Variants in DDN observed in about 807,000 individuals in gnomAD.
DDN encodes the protein dendrin.
Under a neutral mutation model 7.3 loss-of-function variants are expected in DDN, and 4 were observed. That is an observed-to-expected ratio of 0.55 (90% confidence interval 0.27 to 1.25). The LOEUF (loss-of-function observed/expected upper bound fraction) is 1.25, where lower values mean the gene tolerates loss of function less well. Among genes scored for constraint, DDN ranks in the 50% most tolerant of loss-of-function variants. DDN has a pLI of 0.12. For synonymous variants in DDN, 425 were observed against 424.3 expected (o/e 1.00, Z -0.02); for missense variants, 933 against 974.7 (o/e 0.96, Z 0.57).
In DDN at chr12:48,998,262, G is replaced by A. The variant is rs754043039; in HGVS notation, c.614C>T (p.Ala205Val). 2 of 1,609,254 alleles carry A rather than the reference G, an allele frequency of 1.2e-6. No homozygotes were observed. The highest frequency in any genetic ancestry group is 1.1e-5 in the South Asian group (1 of 90,882). Residue 205 changes from alanine to valine, a missense_variant, in exon 2 of 2, where the codon GCT (alanine) becomes GTT (valine). By Grantham distance (64) the Ala-to-Val change is moderately conservative. Coordinates refer to ENST00000421952, the MANE Select transcript of DDN (RefSeq NM_015086.2). ...GRRPGPPSYE[A>V]HLLLRGSAGT... is the part of the protein sequence containing the mutation. ...GGCAGAACCTCTCAGCAGCAGGTGA[G>A]CCTCGTAGCTTGGGGGCCCGGGCCG...
chr12:48,999,030 C>A (rs367852861), intron 1 of DDN, 49 bp downstream of exon 1: 383 of 1,596,004 alleles, frequency 2.4e-4, no homozygotes, highest in Non-Finnish European at 3.2e-4. Context: ...AGGTCCGGAC[C>A]CCACTCCCCG....
chr12:48,998,171 G>T lies in DDN; in HGVS notation c.705C>A (p.Gly235=), dbSNP rs1345919962. Residue 235 remains glycine (G), a synonymous_variant, in exon 2 of 2, where the codon GGC becomes GGA. Transcript: ENST00000421952. ...TCTTAGTCCCCAAGGTCCTATGGGG[G>T]CCTTCGTAAGAAGGTGGAGCCACGT... is the stretch of plus-strand genomic sequence containing the variant. The part of the protein sequence containing the change: ...PPYVAPPSYE[G]PHRTLGTKRG... The T allele has an allele frequency of 6.2e-7, 1 of 1,612,960 alleles. No individual in the cohort carries two copies. Among genetic ancestry groups the T allele is most frequent in the Non-Finnish European group, 8.5e-7 (1 of 1,179,736 alleles).
In DDN at chr12:48,997,123, C is replaced by CG. The variant is rs748370429; in HGVS notation, c.1752dup (p.Glu585ArgfsTer41). 1 of 1,526,208 alleles carries CG rather than the reference C, an allele frequency of 6.6e-7. No homozygotes were observed. Among genetic ancestry groups the CG allele is most frequent in the Non-Finnish European group, 8.7e-7 (1 of 1,143,056 alleles). 94.5% of individuals were successfully genotyped at this position (1,526,208 alleles called of 1,614,324 possible). A position where few individuals can be genotyped will look rare whatever the true frequency, so the allele number is the denominator to read the frequency against. ...TGGACCACCGCCACTTCCGACCCCT[C>CG]GGCTCTGCCCTGGGCTCCCGAAGCT... On this transcript the variant is annotated frameshift_variant, in exon 2 of 2. Coordinates refer to ENST00000421952, the MANE Select transcript of DDN (RefSeq NM_015086.2). LOFTEE classifies it high-confidence loss of function.
chr12:48,999,076 C>T lies in DDN; in HGVS notation c.209+3G>A, dbSNP rs1565728147. ...CTCTTCCCCTCACCCCTGCTTCACTCACGTGCGGTTCTGGAACCCGCGAGC... is the reference window on the plus strand; with the variant it reads ...CTCTTCCCCTCACCCCTGCTTCACTTACGTGCGGTTCTGGAACCCGCGAGC... On this transcript the variant is annotated splice_donor_region_variant and intron_variant, in intron 1 of 1. Transcript: ENST00000421952. 3 of 1,614,022 alleles carry T rather than the reference C, an allele frequency of 1.9e-6. No individual in the cohort carries two copies. The highest frequency in any genetic ancestry group is 2.5e-6 in the Non-Finnish European group (3 of 1,179,952).
Position 48,997,228 on chromosome 12 carries a change from C to G in DDN, c.1648G>C (p.Gly550Arg). Residue 550 changes from glycine to arginine, a missense_variant, in exon 2 of 2, where the codon GGG (glycine) becomes CGG (arginine). By Grantham distance (125) the Gly-to-Arg change is moderately radical. Transcript: ENST00000421952. ...TLEERTFRILGLPAPEVNLRD... is the reference protein window; with the variant it reads ...TLEERTFRILRLPAPEVNLRD... ...AGGTTTACTTCGGGGGCCGGGAGCC[C>G]CAAGATGCGGAAAGTGCGCTCCTCC... The G allele has an allele frequency of 6.3e-7, 1 of 1,591,892 alleles. No individual in the cohort carries two copies. The highest frequency in any genetic ancestry group is 8.6e-7 in the Non-Finnish European group (1 of 1,168,694).
In DDN at chr12:48,995,582, A is replaced by C. The variant is rs983215405; in HGVS notation, c.*1158T>G. 4 of 152,292 alleles carry C rather than the reference A, an allele frequency of 2.6e-5. No individual in the cohort carries two copies. The highest frequency in any genetic ancestry group is 7.2e-5 in the African/African-American group (3 of 41,452). The allele number at this position is 152,292 out of a possible 1,614,324, so 9.4% of individuals were successfully genotyped here. ...GGATTAGCAACTGGGGAGATCCGCG[A>C]CCTGCGCGCGCCCTGTAGTGGCTAT... is the stretch of plus-strand genomic sequence containing the variant. On this transcript the variant is annotated 3_prime_UTR_variant, in exon 2 of 2. Transcript: ENST00000421952.
At chr12:48,998,988 G>A in intron 1 of DDN, 91 bp downstream of exon 1, 2 of 1,399,448 alleles carry the variant, frequency 1.4e-6, no homozygotes, top group Non-Finnish European at 2.0e-6. Flanking sequence ...AAAGAGAAGG[G>A]GGACCAGCAG....
At position 48,996,857 on chromosome 12, in the gene DDN, T is replaced by TG. The variant is rs1941211656; in HGVS notation, c.2018dup (p.Ala674SerfsTer35). ...CCCCGACACTGTCGCTCAGTTCCGC[T>TG]GTCTTCCCATCTTCCTCTGGCGAAC... is the stretch of plus-strand genomic sequence containing the variant. On this transcript the variant is annotated frameshift_variant, in exon 2 of 2. Transcript: ENST00000421952. LOFTEE classifies it low-confidence loss of function (END_TRUNC). The TG allele has an allele frequency of 1.1e-5, 17 of 1,614,234 alleles. No homozygotes were observed. The highest frequency in any genetic ancestry group is 1.4e-5 in the Non-Finnish European group (17 of 1,180,030).
At chr12:48,998,787 T>C (rs1233191089) in intron 1 of DDN, 121 bp from the exon 2 acceptor site, 3 of 1,250,214 alleles carry the variant, frequency 2.4e-6, no homozygotes, top group South Asian at 1.6e-5. Context: ...TGTGAGTGTG[T>C]GCGCGTGTGC....
At chr12:48,998,980 A>G in intron 1 of DDN, 99 bp downstream of exon 1, 2 of 1,358,164 alleles carry the variant, frequency 1.5e-6, no homozygotes, top group Non-Finnish European at 2.1e-6. Flanking sequence ...GGCGTGGGAA[A>G]GAGAAGGGGG....
At position 48,998,669 on chromosome 12, in the gene DDN, G is replaced by T; in HGVS notation, c.210-3C>A. On this transcript the variant is annotated splice_region_variant and splice_polypyrimidine_tract_variant and intron_variant, in intron 1 of 1. Coordinates refer to ENST00000421952, the MANE Select transcript of DDN (RefSeq NM_015086.2). The stretch of plus-strand genomic sequence containing the variant: ...GGGATCCCGGGCGCGGCCCACACCT[G>T]GGACAATGAGCAGGAACCCAGGTGA... 1 of 1,495,024 alleles carries T rather than the reference G, an allele frequency of 6.7e-7. No homozygotes were observed. The highest frequency in any genetic ancestry group is 8.8e-7 in the Non-Finnish European group (1 of 1,132,454). 92.6% of individuals were successfully genotyped at this position (1,495,024 alleles called of 1,614,324 possible).
In DDN at chr12:48,997,086, C is replaced by T. The variant is rs1941216724; in HGVS notation, c.1790G>A (p.Gly597Asp). Reference protein sequence around the residue: ...SEVAVVQRRAGRGWARTPGPY... With the variant: ...SEVAVVQRRADRGWARTPGPY... ...CCCTGGGGTCCGCGCCCAGCCCCGG[C>T]CGGCGCGCCGCTGGACCACCGCCAC... Residue 597 changes from glycine (G) to aspartate (D), a missense_variant, in exon 2 of 2, where the codon GGC (glycine) becomes GAC (aspartate). Gly to Asp is a moderately conservative substitution (Grantham distance 94, BLOSUM62 -1). Transcript: ENST00000421952. 6.6e-7 allele frequency: 1 copy of T among 1,523,284 alleles called. No homozygotes were observed. Among genetic ancestry groups the T allele is most frequent in the Non-Finnish European group, 8.7e-7 (1 of 1,143,836 alleles). 94.4% of individuals were successfully genotyped at this position (1,523,284 alleles called of 1,614,324 possible). A position where few individuals can be genotyped will look rare whatever the true frequency, so the allele number is the denominator to read the frequency against.
rs1052580093 is a variant in DDN, at chr12:48,995,779, G to C, written c.*961C>G. On this transcript the variant is annotated 3_prime_UTR_variant, in exon 2 of 2. Coordinates refer to ENST00000421952, the MANE Select transcript of DDN (RefSeq NM_015086.2). ...CCTCAGAGCATCACTAAGGAGCATC[G>C]GGGTGGAGGAAAAGGGGAAGGCCTA... 1 of 152,462 alleles carries C rather than the reference G, an allele frequency of 6.6e-6. No individual in the cohort carries two copies. The highest frequency in any genetic ancestry group is 1.5e-5 in the Non-Finnish European group (1 of 68,152). The allele number at this position is 152,462 out of a possible 1,614,324, so 9.4% of individuals were successfully genotyped here. A position where few individuals can be genotyped will look rare whatever the true frequency, so the allele number is the denominator to read the frequency against.
rs767396293 is a variant in DDN at position 48,998,402 on chromosome 12, C to T, written c.474G>A (p.Gly158=). The change falls in exon 2 of 2, where the codon GGG becomes GGA. Residue 158 remains glycine (G), a synonymous_variant. Transcript: ENST00000421952. ...RNAPRVAQLA[G]LPAPLRPERL... ...GCTCCGGCCGCAAGGGAGCAGGGAG[C>T]CCTGCCAGCTGGGCCACCCGAGGGG... is the stretch of plus-strand genomic sequence containing the variant. 6.7e-7 allele frequency: 1 copy of T among 1,497,808 alleles called. No individual in the cohort carries two copies. The highest frequency in any genetic ancestry group is 8.8e-7 in the Non-Finnish European group (1 of 1,132,186). The allele number at this position is 1,497,808 out of a possible 1,614,324, so 92.8% of individuals were successfully genotyped here. A position where few individuals can be genotyped will look rare whatever the true frequency, so the allele number is the denominator to read the frequency against.
Position 48,999,245 on chromosome 12 carries a change from G to GATGAGGCA in DDN, c.42_43insTGCCTCAT (p.Arg15CysfsTer24). ...CCAGACTCCTCATCCTGGAGCTCCC[G>GATGAGGCA]GGGGCTGTCAGGCCCCTCGGAGAAC... On this transcript the variant is annotated frameshift_variant, in exon 1 of 2. Coordinates refer to ENST00000421952, the MANE Select transcript of DDN (RefSeq NM_015086.2). LOFTEE classifies it high-confidence loss of function. 6.4e-7 allele frequency: 1 copy of GATGAGGCA among 1,569,590 alleles called. No homozygotes were observed.
chr12:48,998,362 C>G lies in DDN; in HGVS notation c.514G>C (p.Gly172Arg), dbSNP rs1192432006. The part of the protein sequence containing the change: ...PLRPERLAPV[G>R]RAPRPSAQPQ... ...TGCGCGGATGGACGGGGCGCTCGCCCCACAGGCGCCAGGCGCTCCGGCCGC... is the reference window on the plus strand; with the variant it reads ...TGCGCGGATGGACGGGGCGCTCGCCGCACAGGCGCCAGGCGCTCCGGCCGC... Residue 172 changes from glycine (G) to arginine (R), a missense_variant, in exon 2 of 2, where the codon GGG becomes CGG. Gly to Arg is a moderately radical substitution (Grantham distance 125). Coordinates refer to ENST00000421952, the MANE Select transcript of DDN (RefSeq NM_015086.2). 6.7e-7 allele frequency: 1 copy of G among 1,502,884 alleles called. No homozygotes were observed. Among genetic ancestry groups the G allele is most frequent in the Non-Finnish European group, 8.8e-7 (1 of 1,134,000 alleles). 93.1% of individuals were successfully genotyped at this position (1,502,884 alleles called of 1,614,324 possible).
Position 48,996,727 on chromosome 12 carries a change from A to C in DDN, c.*13T>G. On this transcript the variant is annotated 3_prime_UTR_variant, in exon 2 of 2. Coordinates refer to ENST00000421952, the MANE Select transcript of DDN (RefSeq NM_015086.2). ...ATGGATGCGTTGGGGACACAAATAC[A>C]AGAAGGGGCCTCTCACTGCCTCTTC... 6.2e-7 allele frequency: 1 copy of C among 1,608,768 alleles called. No individual in the cohort carries two copies. Among genetic ancestry groups the C allele is most frequent in the South Asian group, 1.1e-5 (1 of 90,970 alleles).
Position 48,995,205 on chromosome 12 carries a change from G to A in DDN, c.*1535C>T. The A allele has an allele frequency of 6.6e-6, 1 of 152,536 alleles. No individual in the cohort carries two copies. Among genetic ancestry groups the A allele is most frequent in the Non-Finnish European group, 1.5e-5 (1 of 68,162 alleles). 9.4% of individuals were successfully genotyped at this position (152,536 alleles called of 1,614,324 possible). ...CTGTGTGCCAGGCAGTGTGCAAGGC[G>A]CTTTACATACATTATCGCATTAAAT... On this transcript the variant is annotated 3_prime_UTR_variant, in exon 2 of 2. Coordinates refer to ENST00000421952, the MANE Select transcript of DDN (RefSeq NM_015086.2).
rs1284618136 is a variant in DDN, at chr12:48,999,200, T to A, written c.88A>T (p.Lys30Ter). Residue 30 changes from lysine (K) to a stop codon, truncating the protein, a stop_gained, in exon 1 of 2, where the codon AAG becomes TAG. Transcript: ENST00000421952. LOFTEE classifies it high-confidence loss of function. Reference sequence around the variant, plus strand: ...ACTTCTATCACCAATAGCTTGGACTTCTGCACCCAGAGGCAGCTGCCAGAC... The same window carrying A: ...ACTTCTATCACCAATAGCTTGGACTACTGCACCCAGAGGCAGCTGCCAGAC... ...EESGSCLWVQKSKLLVIEVKT... is the reference protein window; with the variant it reads ...EESGSCLWVQ 6.2e-7 allele frequency: 1 copy of A among 1,610,652 alleles called. No homozygotes were observed. Among genetic ancestry groups the A allele is most frequent in the South Asian group, 1.1e-5 (1 of 90,414 alleles).
Sources: allele counts gnomAD v4.1 joint callset, GRCh38; gene constraint gnomAD v4.1.1; transcripts MANE v1.5; gene names NCBI Gene and HGNC (gene_info 2026-07-23, HGNC 2026-07-21).